The following RBFOX1 variants were observed in gnomAD, a reference collection of about 807,000 sequenced individuals.
The protein encoded by RBFOX1 is RNA binding fox-1 homolog 1.
RBFOX1 carries 8 observed loss-of-function variants against 57.7 expected under a neutral mutation model. The ratio of observed to expected loss-of-function variants is 0.14; its 90% CI spans 0.08 to 0.25. RBFOX1 has a LOEUF of 0.25. Ranked by LOEUF, RBFOX1 falls within the 10% of genes least tolerant of loss-of-function variation. The pLI is 1.00. For missense variants in RBFOX1, 611 were observed against 548.5 expected, an observed-to-expected ratio of 1.11 and a Z score of -1.14; for synonymous variants, 326 against 222.4, an observed-to-expected ratio of 1.47 and a Z score of -4.15.
intron 3 of RBFOX1, among the ~76,000 whole-genome samples, chr16:6,932,351 C>A (rs1349001759): frequency 2.0e-5 from 3 of 152,190 alleles, no homozygotes; most frequent in Non-Finnish European, 4.4e-5. Context: ...AGGTGATCCA[C>A]CTGCCTCAGG....
intron 2 of RBFOX1, among the ~76,000 whole-genome samples, chr16:6,561,707 A>G (rs992398198): frequency 4.6e-5 from 7 of 152,172 alleles, no homozygotes; most frequent in African/African-American, 1.7e-4. Context: ...GAAGATTGCT[A>G]ATGACACCAG....
chr16:6,449,932 A>T (rs1353974617), intron 2 of RBFOX1, among the ~76,000 whole-genome samples: 1 of 152,214 alleles, frequency 6.6e-6, no homozygotes. Flanking sequence ...GTAAAACTTC[A>T]TGCTGGATGA....
At chr16:6,267,296 G>A (rs1339679648) in intron 1 of RBFOX1, among the ~76,000 whole-genome samples, 2 of 152,180 alleles carry the variant, frequency 1.3e-5, no homozygotes, top group Admixed American at 6.5e-5. Context: ...TAACACCGTA[G>A]GATCATGTTT....
chr16:6,394,083 G>A (rs1407067708), intron 2 of RBFOX1, among the ~76,000 whole-genome samples: 4 of 151,950 alleles, frequency 2.6e-5, no homozygotes, highest in South Asian at 4.3e-4. Flanking sequence ...ATCCATGACT[G>A]TGCATCTCCA....
intron 3 of RBFOX1, among the ~76,000 whole-genome samples, chr16:7,020,562 A>G (rs953098761): frequency 9.2e-5 from 14 of 152,216 alleles, no homozygotes; most frequent in African/African-American, 3.4e-4. Context: ...AAAATTAAAT[A>G]AAATAAGGAA....
chr16:6,098,349 G>A (rs1456956762), intron 1 of RBFOX1, among the ~76,000 whole-genome samples: 1 of 152,110 alleles, frequency 6.6e-6, no homozygotes, highest in Non-Finnish European at 1.5e-5. Flanking sequence ...CTCTCCTCTG[G>A]CTCCTGTGAA....
intron 1 of RBFOX1, among the ~76,000 whole-genome samples, chr16:6,171,579 C>T (rs115888004): frequency 6.1e-4 from 93 of 152,232 alleles, no homozygotes; most frequent in African/African-American, 2.1e-3. Context: ...TTGCCATGAA[C>T]ATATGATATA....
At chr16:7,342,875 C>T (rs1310684067) in intron 4 of RBFOX1, among the ~76,000 whole-genome samples, 1 of 152,154 alleles carries the variant, frequency 6.6e-6, no homozygotes, top group African/African-American at 2.4e-5. Flanking sequence ...GAGGTTGCAT[C>T]AGGGGGCCAT....
chr16:7,537,469 A>C (rs1199243184), intron 5 of RBFOX1, among the ~76,000 whole-genome samples: 2 of 152,190 alleles, frequency 1.3e-5, no homozygotes, highest in Non-Finnish European at 2.9e-5. Flanking sequence ...TCATAGCTGA[A>C]CAAGTCTGAC....
At chr16:6,048,463 G>A (rs529795414) in intron 1 of RBFOX1, among the ~76,000 whole-genome samples, 8 of 152,150 alleles carry the variant, frequency 5.3e-5, no homozygotes, top group African/African-American at 7.2e-5. Flanking sequence ...TAATGTTCCC[G>A]GTAATAATAA....
At chr16:6,818,759 G>T (rs1382870396) in intron 3 of RBFOX1, among the ~76,000 whole-genome samples, 1 of 152,158 alleles carries the variant, frequency 6.6e-6, no homozygotes, top group Admixed American at 6.6e-5. Flanking sequence ...CTTCACAAGG[G>T]GGAGTGTGAT....
intron 4 of RBFOX1, among the ~76,000 whole-genome samples, chr16:5,894,295 T>G (rs1314776721): frequency 6.6e-6 from 1 of 152,194 alleles, no homozygotes; most frequent in African/African-American, 2.4e-5. Flanking sequence ...AACTTTTTTT[T>G]TGTATGAGAT....
intron 4 of RBFOX1, among the ~76,000 whole-genome samples, chr16:7,276,817 G>GT (rs769371699): frequency 3.3e-5 from 5 of 152,182 alleles, no homozygotes; most frequent in Non-Finnish European, 7.3e-5. Context: ...AGGATAGTCT[G>GT]TTAGGAAGGA....
intron 3 of RBFOX1, among the ~76,000 whole-genome samples, chr16:5,609,068 A>G (rs544490418): frequency 6.6e-6 from 1 of 152,294 alleles, no homozygotes; most frequent in Admixed American, 6.5e-5. Flanking sequence ...AGGGGAGCAA[A>G]TACATCTCTG....
chr16:7,708,969 T>G, intron 14 of RBFOX1, 87 bp from the exon 15 acceptor site: 1 of 1,278,200 alleles, frequency 7.8e-7, no homozygotes, highest in Non-Finnish European at 1.1e-6. Context: ...GGCCCCTGCA[T>G]ACTGTCTTGG....
intron 3 of RBFOX1, among the ~76,000 whole-genome samples, chr16:5,740,304 T>C (rs2052728339): frequency 1.3e-5 from 2 of 152,156 alleles, no homozygotes; most frequent in Non-Finnish European, 2.9e-5. Context: ...ACTGTGTGAT[T>C]GCCTGAGACT....
chr16:7,612,567 A>C (rs2057719455), intron 10 of RBFOX1, among the ~76,000 whole-genome samples: 1 of 151,800 alleles, frequency 6.6e-6, no homozygotes, highest in Admixed American at 6.6e-5. Flanking sequence ...GGATTCTTAC[A>C]CTTTCTCTGT....
intron 3 of RBFOX1, among the ~76,000 whole-genome samples, chr16:6,772,574 GTGTA>G (rs147022349): frequency 1.9e-3 from 283 of 151,064 alleles, no homozygotes; most frequent in African/African-American, 6.7e-3. Flanking sequence ...GCATTTGTGT[GTGTA>G]TGTATATGGG....
intron 4 of RBFOX1, among the ~76,000 whole-genome samples, chr16:7,331,710 A>T (rs956699413): frequency 2.6e-5 from 4 of 152,166 alleles, no homozygotes; most frequent in African/African-American, 9.7e-5. Context: ...CAAATGAGTG[A>T]ACAGGGTTCA....
Sources: allele counts gnomAD v4.1 joint callset (sites outside exome capture counted in the v4.1 genomes callset), GRCh38; gene constraint gnomAD v4.1.1; transcripts MANE v1.5; gene names NCBI Gene and HGNC (gene_info 2026-07-23, HGNC 2026-07-21).